The following SORCS1 variants were observed in gnomAD, a reference collection of about 807,000 sequenced individuals.
SORCS1 encodes sortilin related VPS10 domain containing receptor 1.
Under a neutral mutation model 146.1 loss-of-function variants are expected in SORCS1, and 60 were observed. That is an observed-to-expected ratio of 0.41 (90% CI 0.33 to 0.51). The LOEUF is 0.51. Among genes scored for constraint, SORCS1 ranks in the 20% least tolerant of loss-of-function variants. SORCS1 has a pLI of 0.21. For missense variants in SORCS1, 1,352 were observed against 1,487.6 expected (o/e 0.91, Z 1.50); for synonymous variants, 637 against 584.0 (o/e 1.09, Z -1.31).
chr10:106,715,822 G>A (rs1310069825), intron 6 of SORCS1, among the ~76,000 whole-genome samples: 7 of 152,044 alleles, frequency 4.6e-5, no homozygotes, highest in Admixed American at 3.3e-4. Context: ...CAGTGGCAGC[G>A]ATCTCAGGTC....
intron 3 of SORCS1, among the ~76,000 whole-genome samples, chr10:106,825,628 T>C (rs865797587): frequency 3.3e-4 from 50 of 152,030 alleles, no homozygotes; most frequent in African/African-American, 1.1e-3. Flanking sequence ...ACCTTCTGCA[T>C]CCCAGCTGTT....
intron 6 of SORCS1, among the ~76,000 whole-genome samples, chr10:106,722,810 C>G (rs1233325388): frequency 6.6e-6 from 1 of 152,084 alleles, no homozygotes; most frequent in Non-Finnish European, 1.5e-5. Context: ...TAATATACAA[C>G]TATATATCCA....
At chr10:106,951,001 C>T (rs1954648115) in intron 2 of SORCS1, among the ~76,000 whole-genome samples, 2 of 152,102 alleles carry the variant, frequency 1.3e-5, no homozygotes, top group South Asian at 2.1e-4. Context: ...AAAATATCCA[C>T]ATGAGGAAAG....
intron 1 of SORCS1, among the ~76,000 whole-genome samples, chr10:107,106,668 T>G (rs2134421369): frequency 6.6e-6 from 1 of 152,308 alleles, no homozygotes; most frequent in African/African-American, 2.4e-5. Context: ...AAATTAAAAT[T>G]ATCAATCCTA....
intron 2 of SORCS1, among the ~76,000 whole-genome samples, chr10:106,855,460 C>T (rs1216404197): frequency 6.6e-6 from 1 of 152,110 alleles, no homozygotes; most frequent in Non-Finnish European, 1.5e-5. Context: ...TCTCAGTTAT[C>T]ATTGCTTCAT....
intron 2 of SORCS1, among the ~76,000 whole-genome samples, chr10:106,870,241 C>G (rs1470783674): frequency 2.6e-5 from 4 of 152,172 alleles, no homozygotes; most frequent in African/African-American, 9.7e-5. Context: ...TAGGAAGAAT[C>G]AACATCTTTG....
chr10:107,113,264 C>G (rs11193203), intron 1 of SORCS1, among the ~76,000 whole-genome samples: 20,570 of 151,364 alleles, frequency 0.14, 1,621 homozygotes, highest in East Asian at 0.36. Flanking sequence ...ATCAATGGTT[C>G]AAAGAAAAAA....
chr10:106,898,678 G>A (rs1393108182), intron 2 of SORCS1, among the ~76,000 whole-genome samples: 2 of 152,182 alleles, frequency 1.3e-5, no homozygotes, highest in Non-Finnish European at 2.9e-5. Context: ...TTGTGGGGGA[G>A]TGGAAGACAC....
chr10:107,173,367 G>T, the SORCS1 span, among the ~76,000 whole-genome samples: 1 of 152,064 alleles, frequency 6.6e-6, no homozygotes, highest in Non-Finnish European at 1.5e-5. Context: ...TAAGAGAGTA[G>T]ATTTTAAGTG....
At chr10:107,175,341 T>G in the SORCS1 span, among the ~76,000 whole-genome samples, 1 of 152,238 alleles carries the variant, frequency 6.6e-6, no homozygotes, top group Non-Finnish European at 1.5e-5. Flanking sequence ...TATTTCTTCC[T>G]TATTTGTTTG....
chr10:106,679,321 A>C lies in SORCS1; in HGVS notation c.1675T>G (p.Ser559Ala), dbSNP rs1852263530. The C allele has an allele frequency of 6.2e-7, 1 of 1,612,802 alleles. No individual in the cohort carries two copies. Among genetic ancestry groups the C allele is most frequent in the Admixed American group, 1.7e-5 (1 of 59,900 alleles). The change falls in exon 12 of 26, where the codon TCT becomes GCT. Residue 559 changes from serine (S) to alanine (A), a missense_variant. Transcript: ENST00000263054. ...SIIVASGNIG[S>A]ELSDTDISMF... ...CTGATGTCAGTGTCTGACAATTCAG[A>C]ACCTATATTACCTAGAAAGAGAAAG...
At chr10:106,592,779 T>C (rs72821144) in intron 24 of SORCS1, among the ~76,000 whole-genome samples, 3,088 of 146,468 alleles carry the variant, frequency 0.021, 37 homozygotes, top group Middle Eastern at 0.047. Context: ...CTGTTTCTCT[T>C]TTTTTTTTTT....
chr10:106,699,183 G>T (rs931161470), intron 9 of SORCS1, 31 bp downstream of exon 9: 1 of 1,575,028 alleles, frequency 6.3e-7, no homozygotes, highest in Non-Finnish European at 8.6e-7. Flanking sequence ...GCACTGCTGT[G>T]GCTTAGGACC....
chr10:107,049,766 C>T (rs17279997), intron 1 of SORCS1, among the ~76,000 whole-genome samples: 6 of 151,838 alleles, frequency 4.0e-5, no homozygotes, highest in African/African-American at 1.2e-4. Context: ...AAGTGGATGA[C>T]GGTATCAAAC....
chr10:106,795,075 A>G (rs1946491268), intron 3 of SORCS1, among the ~76,000 whole-genome samples: 1 of 152,214 alleles, frequency 6.6e-6, no homozygotes, highest in African/African-American at 2.4e-5. Context: ...GATTTGATGG[A>G]GCTAACACAA....
intron 5 of SORCS1, among the ~76,000 whole-genome samples, chr10:106,743,817 C>T (rs1857523101): frequency 6.6e-6 from 1 of 152,080 alleles, no homozygotes; most frequent in South Asian, 2.1e-4. Flanking sequence ...AAATATAATA[C>T]TAAGTATACA....
intron 1 of SORCS1, among the ~76,000 whole-genome samples, chr10:107,136,429 C>A (rs1035084377): frequency 6.6e-6 from 1 of 152,116 alleles, no homozygotes; most frequent in African/African-American, 2.4e-5. Context: ...GCATCATGTT[C>A]AGATTGCATA....
chr10:106,600,411 T>C lies in SORCS1; in HGVS notation c.3166-2961A>G, dbSNP rs115075691. The C allele has an allele frequency of 1.7e-3, 1,689 of 981,046 alleles. 24 individuals are homozygous for C. In the African/African-American group the frequency reaches 0.027, roughly 16 times the overall value. 60.8% of individuals were successfully genotyped at this position (981,046 alleles called of 1,614,324 possible). On this transcript the variant is annotated intron_variant, in intron 23 of 25. Coordinates refer to ENST00000263054, the MANE Select transcript of SORCS1 (RefSeq NM_052918.5). ...CATGCTTTGTGAGAAAAAATTTGCA[T>C]AAGAAAACAAAACTAAATAAAATTT...
At chr10:106,741,037 G>A (rs1336860898) in intron 5 of SORCS1, among the ~76,000 whole-genome samples, 1 of 152,296 alleles carries the variant, frequency 6.6e-6, no homozygotes, top group African/African-American at 2.4e-5. Context: ...ACTGTCAAGA[G>A]TATGAATCAA....
Sources: allele counts gnomAD v4.1 joint callset (sites outside exome capture counted in the v4.1 genomes callset), GRCh38; gene constraint gnomAD v4.1.1; transcripts MANE v1.5; gene names NCBI Gene and HGNC (gene_info 2026-07-23, HGNC 2026-07-21).